The following PPP1R14C variants were observed in gnomAD, a reference collection of about 807,000 sequenced individuals.
The protein encoded by PPP1R14C is protein phosphatase 1 regulatory inhibitor subunit 14C, also known as protein phosphatase 1 regulatory subunit 14C.
PPP1R14C carries 16 observed loss-of-function variants against 20.4 expected under a neutral mutation model. That is an observed-to-expected ratio of 0.78 (90% CI 0.53 to 1.19). The LOEUF (loss-of-function observed/expected upper bound fraction) is 1.19, where lower values mean the gene tolerates loss of function less well. PPP1R14C is among the 50% of genes most tolerant of loss of function. The pLI, the probability that PPP1R14C is intolerant of heterozygous loss-of-function variation, is 0.00. For missense variants in PPP1R14C, 211 were observed against 220.1 expected (o/e 0.96, Z 0.26); for synonymous variants, 91 against 91.0 (o/e 1.00, Z 0.00).
intron 1 of PPP1R14C, among the ~76,000 whole-genome samples, chr6:150,174,460 C>T (rs1777537711): frequency 6.6e-6 from 1 of 151,720 alleles, no homozygotes; most frequent in Admixed American, 6.6e-5. Flanking sequence ...TTGTGATCCG[C>T]CCACCTTGGC....
At chr6:150,227,819 T>C (rs1315769336) in intron 3 of PPP1R14C, among the ~76,000 whole-genome samples, 1 of 152,238 alleles carries the variant, frequency 6.6e-6, no homozygotes, top group East Asian at 1.9e-4. Context: ...AGCCTTATAA[T>C]GTTTTAGTGT....
At chr6:150,177,122 C>T (rs1376677757) in intron 1 of PPP1R14C, among the ~76,000 whole-genome samples, 1 of 151,818 alleles carries the variant, frequency 6.6e-6, no homozygotes, top group Non-Finnish European at 1.5e-5. Flanking sequence ...ATGTTGTAGA[C>T]AGTGAACGGC....
chr6:150,175,871 A>G (rs1156988474), intron 1 of PPP1R14C, among the ~76,000 whole-genome samples: 3 of 152,200 alleles, frequency 2.0e-5, no homozygotes, highest in African/African-American at 4.8e-5. Flanking sequence ...CACAAGCGCA[A>G]TCTACCCGTG....
intron 1 of PPP1R14C, among the ~76,000 whole-genome samples, chr6:150,149,443 A>ATTTTTTTTTTTTTTTTTTTTTTTT (rs1216146263): frequency 8.3e-6 from 1 of 119,938 alleles, no homozygotes. Flanking sequence ...CTCCCACCTA[A>ATTTTTTTTTTTTTTTTTTTTTTTT]TTTTTTTTTT....
At chr6:150,235,106 T>A (rs1024536397) in intron 3 of PPP1R14C, among the ~76,000 whole-genome samples, 3 of 152,186 alleles carry the variant, frequency 2.0e-5, no homozygotes, top group Admixed American at 6.5e-5. Context: ...TGTGTTTTAA[T>A]AGGCAGGATC....
chr6:150,152,004 C>T (rs1230749768), intron 1 of PPP1R14C, among the ~76,000 whole-genome samples: 1 of 151,452 alleles, frequency 6.6e-6, no homozygotes, highest in African/African-American at 2.4e-5. Context: ...CCTGTAGTCC[C>T]AGCTACTTGG....
intron 1 of PPP1R14C, among the ~76,000 whole-genome samples, chr6:150,189,513 C>T (rs1054592755): frequency 6.6e-6 from 1 of 151,164 alleles, no homozygotes; most frequent in African/African-American, 2.4e-5. Context: ...AAGGAAGACA[C>T]CTGGCTATCC....
At chr6:150,178,988 C>T (rs999598130) in intron 1 of PPP1R14C, among the ~76,000 whole-genome samples, 36 of 152,154 alleles carry the variant, frequency 2.4e-4, no homozygotes, top group African/African-American at 8.4e-4. Flanking sequence ...CCTGTCACTA[C>T]GAATATGGAA....
intron 1 of PPP1R14C, among the ~76,000 whole-genome samples, chr6:150,160,831 AC>A (rs1454323928): frequency 6.6e-6 from 1 of 151,654 alleles, no homozygotes; most frequent in East Asian, 1.9e-4. Flanking sequence ...TCTTTGACAT[AC>A]CCCCATGATC....
At chr6:150,233,008 G>A (rs866440587) in intron 3 of PPP1R14C, among the ~76,000 whole-genome samples, 1 of 152,332 alleles carries the variant, frequency 6.6e-6, no homozygotes. Flanking sequence ...GTAACAGTGA[G>A]TTAGTTCACT....
chr6:150,153,635 C>T (rs1360938189), intron 1 of PPP1R14C, among the ~76,000 whole-genome samples: 2 of 152,232 alleles, frequency 1.3e-5, no homozygotes, highest in Non-Finnish European at 2.9e-5. Flanking sequence ...CCTGCCTCTG[C>T]TTAAAAGGTT....
chr6:150,143,585 G>A lies in PPP1R14C; in HGVS notation c.306+87G>A, dbSNP rs1777148938. The A allele has an allele frequency of 2.1e-5, 21 of 984,780 alleles. No homozygotes were observed. The South Asian group carries it at 3.1e-4, about 15-fold the overall frequency. The allele number at this position is 984,780 out of a possible 1,614,324, so 61.0% of individuals were successfully genotyped here. A position where few individuals can be genotyped will look rare whatever the true frequency, so the allele number is the denominator to read the frequency against. ...AATTTTCCCGGGCTCCAGCTCCGGG[G>A]CGCGCATGTCCCTGACTCCCGGGGA... On this transcript the variant is annotated intron_variant, in intron 1 of 3. Transcript: ENST00000361131. The surrounding 1 kb of genome is among the most constrained non-coding windows in gnomAD (Gnocchi z 5.6).
intron 3 of PPP1R14C, among the ~76,000 whole-genome samples, chr6:150,222,466 A>C (rs944903961): frequency 1.3e-5 from 2 of 152,076 alleles, no homozygotes; most frequent in Admixed American, 6.6e-5. Flanking sequence ...TTATCGCCCG[A>C]AGTCCACGGT....
At chr6:150,208,833 A>C (rs114935677) in intron 1 of PPP1R14C, among the ~76,000 whole-genome samples, 1,757 of 152,288 alleles carry the variant, frequency 0.012, 33 homozygotes, top group African/African-American at 0.04. Flanking sequence ...AGCCCGGCAC[A>C]GCGTGGTTAT....
intron 1 of PPP1R14C, among the ~76,000 whole-genome samples, chr6:150,204,102 G>A (rs1777912475): frequency 6.6e-6 from 1 of 152,258 alleles, no homozygotes; most frequent in South Asian, 2.1e-4. Flanking sequence ...TGTCGGCACA[G>A]GAGCCGTGAG....
chr6:150,226,008 A>C (rs7741317), intron 3 of PPP1R14C, among the ~76,000 whole-genome samples: 17,642 of 152,178 alleles, frequency 0.12, 1,278 homozygotes, highest in African/African-American at 0.21. Flanking sequence ...CTTCTGTCAT[A>C]TACTTTGGGT....
At chr6:150,221,785 T>A (rs533210039) in intron 3 of PPP1R14C, among the ~76,000 whole-genome samples, 1 of 150,604 alleles carries the variant, frequency 6.6e-6, no homozygotes, top group African/African-American at 2.5e-5. Flanking sequence ...GCTGTGATAA[T>A]TTTTAAAATT....
chr6:150,149,709 T>A lies in PPP1R14C; in HGVS notation c.306+6211T>A, dbSNP rs143583764. ...TTAGGACATAGCATGTCAGTGTTGTTATTGGAGCCACAAGCTGCCACTAAC... is the reference window on the plus strand; with the variant it reads ...TTAGGACATAGCATGTCAGTGTTGTAATTGGAGCCACAAGCTGCCACTAAC... On this transcript the variant is annotated intron_variant, in intron 1 of 3. Coordinates refer to ENST00000361131, the MANE Select transcript of PPP1R14C (RefSeq NM_030949.3). 3.5e-4 allele frequency among the ~76,000 whole-genome samples: 54 copies of A among 152,268 alleles called. 3 individuals are homozygous for A. The South Asian group carries it at 5.0e-3, about 14-fold the overall frequency.
intron 1 of PPP1R14C, among the ~76,000 whole-genome samples, chr6:150,202,742 C>T (rs771459192): frequency 2.9e-4 from 44 of 152,202 alleles, no homozygotes; most frequent in African/African-American, 8.7e-4. Context: ...GCCCAGCCCT[C>T]GGCTGTAAGA....
Sources: gnomAD v4.1 joint callset for allele counts (sites outside exome capture counted in the v4.1 genomes callset) on GRCh38, gnomAD v4.1.1 for gene constraint, Gnocchi (gnomAD v3.1) non-coding constraint, MANE v1.5 for transcripts, NCBI Gene and HGNC (gene_info 2026-07-23, HGNC 2026-07-21) for gene names.